Variants in MCC observed in about 807,000 individuals in gnomAD.
The protein encoded by MCC is colorectal mutant cancer protein.
A neutral mutation model predicts 116.2 loss-of-function variants in MCC; 90 were observed. That is an observed-to-expected ratio of 0.77 (90% CI 0.65 to 0.92). MCC has a LOEUF of 0.92. MCC is among the 40% of genes least tolerant of loss of function. The probability of loss-of-function intolerance (pLI) is 0.00; values close to 1 mark genes in which losing one functional copy is unlikely to be tolerated. For synonymous variants in MCC, 578 were observed against 510.5 expected (o/e 1.13, Z -1.78); for missense variants, 1,516 against 1,312.2 (o/e 1.16, Z -2.40).
At chr5:113,217,439 C>A (rs1337968047) in intron 3 of MCC, among the ~76,000 whole-genome samples, 1 of 152,172 alleles carries the variant, frequency 6.6e-6, no homozygotes, top group Admixed American at 6.5e-5. Context: ...CTTATTACTG[C>A]AAAGATATTA....
intron 1 of MCC, among the ~76,000 whole-genome samples, chr5:113,408,669 T>C (rs1769900916): frequency 6.6e-6 from 1 of 152,188 alleles, no homozygotes. Context: ...TCCTGAAGTG[T>C]TTCCCAAGTT....
chr5:113,320,805 T>C (rs1767406210), intron 3 of MCC, among the ~76,000 whole-genome samples: 3 of 152,194 alleles, frequency 2.0e-5, no homozygotes, highest in Admixed American at 2.0e-4. Context: ...ATAGGTGAGA[T>C]CTTGCTCTTA....
chr5:113,079,913 CAAA>C (rs1754732848), intron 11 of MCC, among the ~76,000 whole-genome samples: 1 of 152,198 alleles, frequency 6.6e-6, no homozygotes, highest in South Asian at 2.1e-4. Context: ...ACCCATCTGA[CAAA>C]GGGCTAATAT....
At chr5:113,036,758 G>C (rs1170638341) in intron 17 of MCC, among the ~76,000 whole-genome samples, 1 of 152,162 alleles carries the variant, frequency 6.6e-6, no homozygotes, top group East Asian at 1.9e-4. Context: ...TCTTCTCTTT[G>C]AGCTTTGGGG....
chr5:113,285,638 C>G (rs1184630009), intron 3 of MCC, among the ~76,000 whole-genome samples: 1 of 152,178 alleles, frequency 6.6e-6, no homozygotes, highest in Non-Finnish European at 1.5e-5. Flanking sequence ...CTTCACATGA[C>G]TGTGTCCCTC....
At chr5:113,366,265 C>A (rs930409961) in intron 2 of MCC, among the ~76,000 whole-genome samples, 1 of 151,822 alleles carries the variant, frequency 6.6e-6, no homozygotes, top group Non-Finnish European at 1.5e-5. Flanking sequence ...TCTTTCTGGA[C>A]ACAGTAAGTG....
rs560684141 is a variant in MCC, at chr5:113,216,423, T to C, written c.628-65001A>G. 2.0e-5 allele frequency among the ~76,000 whole-genome samples: 3 copies of C among 152,310 alleles called. No homozygotes were observed. In the East Asian group the frequency reaches 5.8e-4, roughly 29 times the overall value. ...CTTTGTCTTTCTAAGATGGTTCCCA[T>C]GGCCCCTGAACATCCCTCCATCAGT... On this transcript the variant is annotated intron_variant, in intron 3 of 18. Coordinates refer to ENST00000408903, the MANE Select transcript of MCC (RefSeq NM_001085377.2).
chr5:113,150,869 C>T (rs1340037386), intron 4 of MCC, among the ~76,000 whole-genome samples: 2 of 152,134 alleles, frequency 1.3e-5, no homozygotes, highest in Non-Finnish European at 1.5e-5. Flanking sequence ...CAAGATCAGC[C>T]TGGACAACAT....
intron 4 of MCC, among the ~76,000 whole-genome samples, chr5:113,149,943 C>T (rs1759749062): frequency 6.6e-6 from 1 of 152,074 alleles, no homozygotes; most frequent in Non-Finnish European, 1.5e-5. Context: ...TAAGGATGCC[C>T]AATTGGAGAA....
intron 17 of MCC, among the ~76,000 whole-genome samples, chr5:113,031,689 CCACTCCTATCCA>C (rs1250798655): frequency 6.6e-6 from 1 of 152,124 alleles, no homozygotes; most frequent in African/African-American, 2.4e-5. Context: ...CCTCCCTCCC[CCACTCCTATCCA>C]CACTCAGTGA....
At chr5:113,346,929 A>G (rs1768147693) in intron 2 of MCC, among the ~76,000 whole-genome samples, 2 of 151,818 alleles carry the variant, frequency 1.3e-5, no homozygotes, top group African/African-American at 4.8e-5. Flanking sequence ...TGACATATTT[A>G]AAGTGCTGAA....
chr5:113,375,021 A>G (rs1768947862), intron 2 of MCC, among the ~76,000 whole-genome samples: 1 of 149,490 alleles, frequency 6.7e-6, no homozygotes, highest in Non-Finnish European at 1.5e-5. Flanking sequence ...AAGATGCACC[A>G]TGTTTGTCTT....
chr5:113,433,328 C>T (rs990625228), intron 1 of MCC: 15 of 345,728 alleles, frequency 4.3e-5, no homozygotes, highest in African/African-American at 3.3e-4. Flanking sequence ...TCTGGCCTCC[C>T]AGCAGGGTCA....
Position 113,434,163 on chromosome 5 carries a change from C to G in MCC, c.171-48951G>C. Reference sequence around the variant, plus strand: ...GTTGACGCGGTGCTCCTTCTGGATACGCAGCATCTTCTTGATGTTGGAGTC... The same window carrying G: ...GTTGACGCGGTGCTCCTTCTGGATAGGCAGCATCTTCTTGATGTTGGAGTC... On this transcript the variant is annotated intron_variant, in intron 1 of 18. Transcript: ENST00000408903. This position sits in a 1 kb window ranked among gnomAD's most constrained non-coding sequence, Gnocchi z 4.2. 3.1e-6 allele frequency: 5 copies of G among 1,614,160 alleles called. No individual in the cohort carries two copies. The highest frequency in any genetic ancestry group is 4.2e-6 in the Non-Finnish European group (5 of 1,180,016).
chr5:113,095,401 A>G (rs1021363792), intron 8 of MCC, among the ~76,000 whole-genome samples: 5 of 152,266 alleles, frequency 3.3e-5, no homozygotes, highest in Non-Finnish European at 7.3e-5. Flanking sequence ...AAAGGGTATA[A>G]TAATAGTACC....
intron 17 of MCC, among the ~76,000 whole-genome samples, chr5:113,042,995 G>A (rs1751823815): frequency 6.6e-6 from 1 of 152,188 alleles, no homozygotes; most frequent in Non-Finnish European, 1.5e-5. Flanking sequence ...GTGATGGAAA[G>A]AAGGTATGAA....
At chr5:113,408,009 G>C (rs1386354890) in intron 1 of MCC, among the ~76,000 whole-genome samples, 1 of 152,124 alleles carries the variant, frequency 6.6e-6, no homozygotes, top group Non-Finnish European at 1.5e-5. Context: ...ACCTCATTAA[G>C]AGGCCTAGTT....
intron 3 of MCC, among the ~76,000 whole-genome samples, chr5:113,277,792 A>G (rs1765884599): frequency 6.6e-6 from 1 of 152,208 alleles, no homozygotes; most frequent in Non-Finnish European, 1.5e-5. Flanking sequence ...AGAGACTGGA[A>G]TAAACTATAT....
intron 3 of MCC, among the ~76,000 whole-genome samples, chr5:113,228,929 G>T (rs1323848115): frequency 6.6e-6 from 1 of 152,124 alleles, no homozygotes; most frequent in East Asian, 1.9e-4. Context: ...GGAAGGATTG[G>T]GTTGCCATTT....
Sources: gnomAD v4.1 joint callset for allele counts (sites outside exome capture counted in the v4.1 genomes callset) on GRCh38, gnomAD v4.1.1 for gene constraint, Gnocchi (gnomAD v3.1) non-coding constraint, MANE v1.5 for transcripts, NCBI Gene and HGNC (gene_info 2026-07-23, HGNC 2026-07-21) for gene names.